The following OXNAD1 variants were observed in gnomAD, a reference collection of about 807,000 sequenced individuals.
The protein encoded by OXNAD1 is oxidoreductase NAD binding domain containing 1, also known as oxidoreductase NAD-binding domain-containing protein 1.
A neutral mutation model predicts 32.9 loss-of-function variants in OXNAD1; 34 were observed. That is an observed-to-expected ratio of 1.03 (90% CI 0.79 to 1.38). The LOEUF is 1.38. Ranked by LOEUF, OXNAD1 falls within the 40% of genes most tolerant of loss-of-function variation. The pLI, the probability that OXNAD1 is intolerant of heterozygous loss-of-function variation, is 0.00. For missense variants in OXNAD1, 407 were observed against 379.4 expected (o/e 1.07, Z -0.60); for synonymous variants, 134 against 135.2 (o/e 0.99, Z 0.06).
chr3:16,285,345 C>G (rs929920322), intron 4 of OXNAD1, among the ~76,000 whole-genome samples: 2 of 152,214 alleles, frequency 1.3e-5, no homozygotes, highest in African/African-American at 4.8e-5. Flanking sequence ...CCAAAGCACC[C>G]TTTGGTGGAG....
intron 4 of OXNAD1, among the ~76,000 whole-genome samples, chr3:16,273,159 C>T (rs1371686816): frequency 5.9e-5 from 9 of 152,032 alleles, no homozygotes; most frequent in Admixed American, 5.9e-4. Flanking sequence ...TTTTAATAGC[C>T]TGCAGAAACT....
At chr3:16,337,488 A>G (rs574480283), downstream of OXNAD1, 1 of 152,180 alleles carries the variant, frequency 6.6e-6, no homozygotes, top group Admixed American at 6.5e-5. This position sits in a 1 kb window ranked among gnomAD's most constrained non-coding sequence, Gnocchi z 5.0. Context: ...TCACGCCTGT[A>G]ATCTCTGCAC....
chr3:16,343,212 C>G (rs1407202426), intron 9 of OXNAD1, among the ~76,000 whole-genome samples: 1 of 152,186 alleles, frequency 6.6e-6, no homozygotes, highest in Non-Finnish European at 1.5e-5. Context: ...TGCGCTAGTC[C>G]TTCCTGCCTA....
intron 9 of OXNAD1, among the ~76,000 whole-genome samples, chr3:16,328,603 G>A (rs777504567): frequency 1.6e-4 from 24 of 152,186 alleles, no homozygotes; most frequent in Middle Eastern, 3.2e-3. Context: ...GGTCTATGTC[G>A]GTTCCCAAAG....
intron 9 of OXNAD1, among the ~76,000 whole-genome samples, chr3:16,330,780 C>T (rs186926877): frequency 1.9e-4 from 29 of 152,308 alleles, no homozygotes; most frequent in African/African-American, 7.0e-4. Context: ...TCCTACACAA[C>T]CTTTCTTTAC....
intron 9 of OXNAD1, among the ~76,000 whole-genome samples, chr3:16,343,789 C>T (rs1159716086): frequency 6.6e-6 from 1 of 152,208 alleles, no homozygotes; most frequent in African/African-American, 2.4e-5. Context: ...TGGCTGGTCC[C>T]TGACTCAAGG....
intron 9 of OXNAD1, among the ~76,000 whole-genome samples, chr3:16,325,371 A>G (rs962330759): frequency 6.6e-6 from 1 of 152,208 alleles, no homozygotes; most frequent in Non-Finnish European, 1.5e-5. Context: ...AGGATTAGGA[A>G]GGATTATTTA....
chr3:16,317,002 G>A lies in OXNAD1; in HGVS notation c.*30+13410G>A. On this transcript the variant is annotated intron_variant, in intron 9 of 9. Coordinates refer to the OXNAD1 transcript ENST00000435829. The surrounding 1 kb of genome is among the most constrained non-coding windows in gnomAD (Gnocchi z 4.3). ...CCACCCCACACAGCAGGCCACCAGGGGACAGCTGTTCTCCCTTGTCCTCTT... is the reference window on the plus strand; with the variant it reads ...CCACCCCACACAGCAGGCCACCAGGAGACAGCTGTTCTCCCTTGTCCTCTT... The A allele has an allele frequency of 6.2e-7, 1 of 1,613,362 alleles. No homozygotes were observed. The highest frequency in any genetic ancestry group is 8.5e-7 in the Non-Finnish European group (1 of 1,179,830).
chr3:16,313,049 ATCT>A (rs2068078762), intron 9 of OXNAD1, among the ~76,000 whole-genome samples: 1 of 138,656 alleles, frequency 7.2e-6, no homozygotes, highest in Non-Finnish European at 1.5e-5. Flanking sequence ...GTCAAGATCC[ATCT>A]TTTTTTTTTT....
chr3:16,313,373 G>C (rs1478616044), intron 9 of OXNAD1, among the ~76,000 whole-genome samples: 5 of 152,156 alleles, frequency 3.3e-5, no homozygotes, highest in African/African-American at 1.2e-4. Context: ...TGCTGAGGGT[G>C]TTGGAGATGA....
Position 16,316,772 on chromosome 3 carries a change from G to A in OXNAD1, c.*30+13180G>A. The A allele has an allele frequency of 6.2e-7, 1 of 1,602,296 alleles. No homozygotes were observed. Among genetic ancestry groups the A allele is most frequent in the Non-Finnish European group, 8.5e-7 (1 of 1,171,628 alleles). On this transcript the variant is annotated intron_variant, in intron 9 of 9. Coordinates refer to the OXNAD1 transcript ENST00000435829. This position sits in a 1 kb window ranked among gnomAD's most constrained non-coding sequence, Gnocchi z 4.5. ...GAAACCAGCCCCCAAACCAGCTGTT[G>A]GTAAGATGCCTTGGGTTTGGCAACT...
rs750559466 is a variant in OXNAD1, at chr3:16,303,501, C to T, written c.878C>T (p.Ser293Phe). ...CCACCTCCAATGACAGACTTTTTCT[C>T]CAAGCAACTGGAAAACAACCATGTA... ...CGPPPMTDFF[S>F]KQLENNHVPK... The change falls in exon 9 of 9, where the codon TCC becomes TTC. Residue 293 changes from serine (S) to phenylalanine (F), a missense_variant. Ser to Phe is a radical substitution (Grantham distance 155, BLOSUM62 -2). Coordinates refer to ENST00000285083, the MANE Select transcript of OXNAD1 (RefSeq NM_138381.5). The surrounding 1 kb of genome is among the most constrained non-coding windows in gnomAD (Gnocchi z 4.8). 1 of 1,613,888 alleles carries T rather than the reference C, an allele frequency of 6.2e-7. No homozygotes were observed. The highest frequency in any genetic ancestry group is 1.7e-5 in the Admixed American group (1 of 59,996).
intron 1 of OXNAD1, among the ~76,000 whole-genome samples, chr3:16,268,331 T>TGAGACTGAG (rs2064690575): frequency 8.3e-6 from 1 of 120,092 alleles, no homozygotes; most frequent in African/African-American, 4.0e-5. Context: ...TTTTTTTTTT[T>TGAGACTGAG]TTTTTTTTTT....
In OXNAD1 at chr3:16,284,334, G is replaced by A. The variant is rs914933211; in HGVS notation, c.184-2008G>A. ...ATACAGTCATGTGTTGCCTGCTGAC[G>A]GGGATGTTTTGATAAATGTGTCATT... is the stretch of plus-strand genomic sequence containing the variant. On this transcript the variant is annotated intron_variant, in intron 4 of 8. Transcript: ENST00000285083. The surrounding 1 kb of genome is among the most constrained non-coding windows in gnomAD (Gnocchi z 4.1). Among the ~76,000 whole-genome samples, 4 of 152,142 alleles carry A rather than the reference G, an allele frequency of 2.6e-5. No homozygotes were observed. Among genetic ancestry groups the A allele is most frequent in the African/African-American group, 4.8e-5 (2 of 41,422 alleles).
rs932183266 is a variant in OXNAD1 at position 16,345,721 on chromosome 3, G to A, written c.*31-3455G>A. 6.6e-6 allele frequency among the ~76,000 whole-genome samples: 1 copy of A among 151,862 alleles called. No individual in the cohort carries two copies. Among genetic ancestry groups the A allele is most frequent in the African/African-American group, 2.4e-5 (1 of 41,320 alleles). On this transcript the variant is annotated intron_variant, in intron 9 of 9. Coordinates refer to the OXNAD1 transcript ENST00000606098. The surrounding 1 kb of genome is among the most constrained non-coding windows in gnomAD (Gnocchi z 5.2). ...ACTGGCTTTCCTGGGTCTCCAGCTT[G>A]CAGATAGCAGACTGTGGGACTCCTC...
rs139844350 is a variant in OXNAD1, at chr3:16,335,156, C to A, written c.*31-1956C>A. Among the ~76,000 whole-genome samples the A allele has an allele frequency of 7.5e-3, 1,145 of 152,294 alleles. 13 individuals carry two copies. The highest frequency in any genetic ancestry group is 0.025 in the African/African-American group (1,050 of 41,544). On this transcript the variant is annotated intron_variant, in intron 9 of 9. Transcript: ENST00000435829. The surrounding 1 kb of genome is among the most constrained non-coding windows in gnomAD (Gnocchi z 4.7). ...AGTCACTAAATCTGTGATTTGTTGC[C>A]GCAGCAACAGGAAATTAATCCACAG... is the stretch of plus-strand genomic sequence containing the variant.
intron 5 of OXNAD1, among the ~76,000 whole-genome samples, chr3:16,292,737 A>G (rs535614719): frequency 1.9e-4 from 29 of 152,230 alleles, no homozygotes; most frequent in South Asian, 8.3e-4. Context: ...CATTCTTTGT[A>G]TGTGGTTATT....
intron 1 of OXNAD1, among the ~76,000 whole-genome samples, chr3:16,266,139 A>T (rs1465860639): frequency 1.3e-5 from 2 of 152,192 alleles, no homozygotes; most frequent in African/African-American, 4.8e-5. Flanking sequence ...TGGCAACTGG[A>T]TATTTACATT....
intron 1 of OXNAD1, among the ~76,000 whole-genome samples, chr3:16,266,659 A>G (rs943027613): frequency 6.6e-6 from 1 of 151,020 alleles, no homozygotes; most frequent in African/African-American, 2.4e-5. Flanking sequence ...TGCAAACTAT[A>G]TTTGATGAGT....
Sources: gnomAD v4.1 joint callset for allele counts (sites outside exome capture counted in the v4.1 genomes callset) on GRCh38, gnomAD v4.1.1 for gene constraint, Gnocchi (gnomAD v3.1) non-coding constraint, MANE v1.5 for transcripts, NCBI Gene and HGNC (gene_info 2026-07-23, HGNC 2026-07-21) for gene names.